The following DPP10 variants were observed in gnomAD, a reference collection of about 807,000 sequenced individuals.
DPP10 encodes the protein inactive dipeptidyl peptidase 10.
A neutral mutation model predicts 120.9 loss-of-function variants in DPP10; 33 were observed. The ratio of observed to expected loss-of-function variants is 0.27; its 90% CI spans 0.21 to 0.37. The LOEUF (loss-of-function observed/expected upper bound fraction) is 0.37. Ranked by LOEUF, DPP10 falls within the 10% of genes least tolerant of loss-of-function variation. DPP10 has a pLI of 1.00. For synonymous variants in DPP10, 337 were observed against 326.1 expected, an observed-to-expected ratio of 1.03 and a Z score of -0.36; for missense variants, 816 against 942.8, an observed-to-expected ratio of 0.87 and a Z score of 1.76.
intron 1 of DPP10, among the ~76,000 whole-genome samples, chr2:114,560,112 T>A (rs1449350608): frequency 6.6e-6 from 1 of 152,170 alleles, no homozygotes; most frequent in Non-Finnish European, 1.5e-5. Context: ...TTGGTTCCAA[T>A]AGTTTAAGAA....
chr2:114,934,294 A>G (rs1476956756), intron 1 of DPP10, among the ~76,000 whole-genome samples: 2 of 152,234 alleles, frequency 1.3e-5, no homozygotes, highest in African/African-American at 2.4e-5. Context: ...TGGAAGCCTT[A>G]CCAATAACAT....
At chr2:114,912,374 C>T (rs1403876449) in intron 1 of DPP10, among the ~76,000 whole-genome samples, 2 of 152,004 alleles carry the variant, frequency 1.3e-5, no homozygotes, top group Non-Finnish European at 1.5e-5. Context: ...AGAATCAGAG[C>T]AAAGAATATT....
intron 1 of DPP10, among the ~76,000 whole-genome samples, chr2:114,880,876 G>C (rs1236253718): frequency 6.6e-6 from 1 of 152,104 alleles, no homozygotes; most frequent in Non-Finnish European, 1.5e-5. Context: ...TATTGAAAAG[G>C]GTATGAAAGT....
At chr2:114,800,478 A>G (rs932441723) in intron 1 of DPP10, among the ~76,000 whole-genome samples, 1 of 152,236 alleles carries the variant, frequency 6.6e-6, no homozygotes, top group Non-Finnish European at 1.5e-5. Flanking sequence ...CTAAAATTAG[A>G]CTAGAAAACA....
intron 1 of DPP10, among the ~76,000 whole-genome samples, chr2:114,832,639 A>G (rs1456566338): frequency 6.6e-6 from 1 of 152,230 alleles, no homozygotes; most frequent in Admixed American, 6.5e-5. Context: ...GAGCCTTCAA[A>G]TGTAACTTAG....
intron 7 of DPP10, among the ~76,000 whole-genome samples, chr2:115,695,696 G>C (rs2091547439): frequency 6.6e-6 from 1 of 152,110 alleles, no homozygotes; most frequent in Non-Finnish European, 1.5e-5. Context: ...GATTATATCA[G>C]GGGAGATTCT....
At chr2:115,611,491 C>A (rs1051971764) in intron 5 of DPP10, among the ~76,000 whole-genome samples, 1 of 151,998 alleles carries the variant, frequency 6.6e-6, no homozygotes, top group Non-Finnish European at 1.5e-5. Context: ...TAGTGTTTAC[C>A]CCAACCTTCA....
intron 5 of DPP10, among the ~76,000 whole-genome samples, chr2:115,563,630 A>C (rs2080824800): frequency 6.6e-6 from 1 of 152,182 alleles, no homozygotes; most frequent in Non-Finnish European, 1.5e-5. Flanking sequence ...TAAGACACGG[A>C]ATCTGAAACA....
intron 3 of DPP10, among the ~76,000 whole-genome samples, chr2:115,360,309 G>C (rs1338294424): frequency 6.6e-6 from 1 of 152,154 alleles, no homozygotes. Flanking sequence ...TCTCTGGAGG[G>C]TGTGACTGTA....
At chr2:115,803,799 C>T (rs997915787) in intron 19 of DPP10, among the ~76,000 whole-genome samples, 81 of 152,240 alleles carry the variant, frequency 5.3e-4, no homozygotes, top group East Asian at 2.5e-3. Flanking sequence ...CCGAGAGATC[C>T]GCTGTTAGTC....
intron 2 of DPP10, among the ~76,000 whole-genome samples, chr2:115,318,440 C>G (rs990944665): frequency 1.6e-4 from 25 of 152,086 alleles, no homozygotes; most frequent in Admixed American, 4.6e-4. Context: ...TGAGAATTAG[C>G]TTTTTTATTT....
intron 1 of DPP10, among the ~76,000 whole-genome samples, chr2:114,570,709 T>C (rs562664268): frequency 7.3e-4 from 111 of 151,066 alleles, no homozygotes; most frequent in African/African-American, 2.5e-3. Context: ...GGCGGGCGCC[T>C]GTAGTCCCAG....
chr2:114,707,523 G>A (rs1700761177), intron 1 of DPP10, among the ~76,000 whole-genome samples: 1 of 152,012 alleles, frequency 6.6e-6, no homozygotes, highest in Admixed American at 6.6e-5. Flanking sequence ...TTTATTAATG[G>A]AGCAAAATTT....
At chr2:115,205,115 T>A (rs1174564655) in intron 1 of DPP10, among the ~76,000 whole-genome samples, 21 of 152,148 alleles carry the variant, frequency 1.4e-4, no homozygotes, top group Non-Finnish European at 3.1e-4. Flanking sequence ...ACTTGTCAAT[T>A]TTTATTTTTG....
At chr2:115,496,585 G>C (rs1468071219) in intron 3 of DPP10, among the ~76,000 whole-genome samples, 2 of 151,998 alleles carry the variant, frequency 1.3e-5, no homozygotes, top group Non-Finnish European at 2.9e-5. Context: ...AGGAACTATG[G>C]GGTCACGCAT....
At chr2:115,000,786 T>A (rs1421168703) in intron 1 of DPP10, among the ~76,000 whole-genome samples, 1 of 152,184 alleles carries the variant, frequency 6.6e-6, no homozygotes, top group Non-Finnish European at 1.5e-5. Flanking sequence ...TGTTGAACGT[T>A]CCTTAAGGCA....
chr2:114,841,766 T>A (rs1688178335), intron 1 of DPP10, among the ~76,000 whole-genome samples: 1 of 152,116 alleles, frequency 6.6e-6, no homozygotes, highest in Non-Finnish European at 1.5e-5. Flanking sequence ...TGGAAAGCCA[T>A]GATTGGGAGC....
intron 17 of DPP10, among the ~76,000 whole-genome samples, chr2:115,786,713 T>G (rs1363177457): frequency 3.3e-5 from 5 of 152,158 alleles, no homozygotes; most frequent in African/African-American, 1.2e-4. Flanking sequence ...TACAATGATA[T>G]CTCTGAGTTG....
intron 7 of DPP10, among the ~76,000 whole-genome samples, chr2:115,718,017 T>C (rs960930540): frequency 3.9e-5 from 6 of 152,142 alleles, no homozygotes; most frequent in Non-Finnish European, 7.4e-5. Context: ...GAAAAAAATG[T>C]ATACTAGGTA....
Sources: gnomAD v4.1 joint callset for allele counts (sites outside exome capture counted in the v4.1 genomes callset) on GRCh38, gnomAD v4.1.1 for gene constraint, MANE v1.5 for transcripts, NCBI Gene and HGNC (gene_info 2026-07-23, HGNC 2026-07-21) for gene names.